The following PABPC4L variants were observed in gnomAD, a reference collection of about 807,000 sequenced individuals.
PABPC4L encodes polyadenylate-binding protein 4-like.
For missense variants in PABPC4L, 452 were observed against 451.4 expected (o/e 1.00, Z -0.01); for synonymous variants, 169 against 164.1 (o/e 1.03, Z -0.23).
the PABPC4L span, among the ~76,000 whole-genome samples, chr4:134,009,280 G>A: frequency 1.8e-4 from 28 of 151,882 alleles, no homozygotes; most frequent in African/African-American, 6.8e-4. Context: ...GTGAGTTATT[G>A]ACATTCTTTG....
chr4:134,145,792 C>T, the PABPC4L span, among the ~76,000 whole-genome samples: 1 of 151,890 alleles, frequency 6.6e-6, no homozygotes, highest in East Asian at 1.9e-4. Flanking sequence ...ATTTCACAGG[C>T]AATATAATTC....
the PABPC4L span, among the ~76,000 whole-genome samples, chr4:133,968,739 A>C: frequency 6.6e-6 from 1 of 152,220 alleles, no homozygotes; most frequent in East Asian, 1.9e-4. Context: ...AGAAAAACTT[A>C]TAATGCTGGA....
chr4:134,074,905 A>G, the PABPC4L span, among the ~76,000 whole-genome samples: 2 of 152,186 alleles, frequency 1.3e-5, no homozygotes, highest in Admixed American at 6.5e-5. Context: ...CCCACTCTAC[A>G]TGGGGATTAG....
At chr4:134,093,964 T>G in the PABPC4L span, among the ~76,000 whole-genome samples, 4 of 151,858 alleles carry the variant, frequency 2.6e-5, no homozygotes, top group Admixed American at 2.6e-4. Context: ...TTTAAAAATT[T>G]CTTGCTGCCA....
chr4:134,166,549 C>T, the PABPC4L span, among the ~76,000 whole-genome samples: 6 of 152,056 alleles, frequency 3.9e-5, 1 homozygote, highest in African/African-American at 7.2e-5. Flanking sequence ...TTGGGCAGGT[C>T]ACACCAGCAT....
the PABPC4L span, among the ~76,000 whole-genome samples, chr4:134,177,638 C>T: frequency 6.6e-6 from 1 of 152,066 alleles, no homozygotes; most frequent in Non-Finnish European, 1.5e-5. Context: ...TCTATGTGAA[C>T]TCATCTGGTA....
At chr4:134,011,674 G>A in the PABPC4L span, among the ~76,000 whole-genome samples, 4 of 151,416 alleles carry the variant, frequency 2.6e-5, no homozygotes, top group East Asian at 1.9e-4. Context: ...TTTAAATAAC[G>A]CCAAACTTTT....
chr4:134,072,976 A>T, the PABPC4L span, among the ~76,000 whole-genome samples: 3 of 152,266 alleles, frequency 2.0e-5, no homozygotes, highest in African/African-American at 7.2e-5. Flanking sequence ...TATGAGAACT[A>T]AAATTCAAGA....
the PABPC4L span, among the ~76,000 whole-genome samples, chr4:133,971,169 G>A: frequency 1.6e-5 from 2 of 126,522 alleles, no homozygotes; most frequent in Non-Finnish European, 3.1e-5. Flanking sequence ...TTGGAGTGCA[G>A]TGGAACAATC....
the PABPC4L span, among the ~76,000 whole-genome samples, chr4:134,140,586 G>A: frequency 1.8e-3 from 267 of 151,906 alleles, 1 homozygote; most frequent in Non-Finnish European, 1.3e-3. Context: ...ATAAGGTAGG[G>A]TGGAATTAAT....
chr4:134,009,478 G>T, the PABPC4L span, among the ~76,000 whole-genome samples: 1 of 151,836 alleles, frequency 6.6e-6, no homozygotes, highest in African/African-American at 2.4e-5. Context: ...ATTGAAATTT[G>T]GAATTAAATA....
At chr4:134,082,986 T>A in the PABPC4L span, among the ~76,000 whole-genome samples, 3 of 152,186 alleles carry the variant, frequency 2.0e-5, no homozygotes, top group Non-Finnish European at 4.4e-5. Context: ...GGGGTTAGCA[T>A]GACCATCACC....
chr4:134,160,282 T>C, the PABPC4L span, among the ~76,000 whole-genome samples: 1 of 152,046 alleles, frequency 6.6e-6, no homozygotes, highest in African/African-American at 2.4e-5. Flanking sequence ...AGAGATCCCT[T>C]CTGATTGGAG....
At chr4:134,171,883 A>C in the PABPC4L span, among the ~76,000 whole-genome samples, 2 of 152,100 alleles carry the variant, frequency 1.3e-5, no homozygotes, top group Non-Finnish European at 2.9e-5. Flanking sequence ...ATCCAAGCTG[A>C]CAGACAAATC....
the PABPC4L span, among the ~76,000 whole-genome samples, chr4:134,091,006 A>G: frequency 1.3e-5 from 2 of 151,670 alleles, no homozygotes; most frequent in East Asian, 3.9e-4. Context: ...TTTCCATATT[A>G]CTTTTGGTAT....
At chr4:134,166,107 C>G in the PABPC4L span, among the ~76,000 whole-genome samples, 41 of 152,172 alleles carry the variant, frequency 2.7e-4, no homozygotes, top group African/African-American at 9.6e-4. Context: ...AGTGGTACAA[C>G]GGACACCACA....
chr4:134,104,482 C>T, the PABPC4L span, among the ~76,000 whole-genome samples: 1 of 70,968 alleles, frequency 1.4e-5, no homozygotes, highest in African/African-American at 1.1e-4. Flanking sequence ...TCTAAGGTGA[C>T]CCATATGCCA....
chr4:134,082,447 A>T, the PABPC4L span, among the ~76,000 whole-genome samples: 1 of 152,130 alleles, frequency 6.6e-6, no homozygotes. Flanking sequence ...ATTTGTTTGT[A>T]TTCTCTGTTC....
At chr4:134,164,935 A>G in the PABPC4L span, among the ~76,000 whole-genome samples, 1 of 152,208 alleles carries the variant, frequency 6.6e-6, no homozygotes, top group East Asian at 1.9e-4. Context: ...AAGTAGATAC[A>G]TAGAACAATG....
Sources: allele counts gnomAD v4.1 joint callset (sites outside exome capture counted in the v4.1 genomes callset), GRCh38; gene constraint gnomAD v4.1.1; transcripts MANE v1.5; gene names NCBI Gene and HGNC (gene_info 2026-07-23, HGNC 2026-07-21).